NDRG4: variants seen among roughly 807,000 people sequenced by gnomAD.
NDRG4 encodes the protein protein NDRG4.
NDRG4 carries 38 observed loss-of-function variants against 55.8 expected under a neutral mutation model. The ratio of observed to expected loss-of-function variants is 0.68; its 90% CI spans 0.53 to 0.89. The LOEUF (loss-of-function observed/expected upper bound fraction) is 0.89, where lower values mean the gene tolerates loss of function less well. Among genes scored for constraint, NDRG4 ranks in the 40% least tolerant of loss-of-function variants. The pLI, the probability that NDRG4 is intolerant of heterozygous loss-of-function variation, is 0.00. For synonymous variants in NDRG4, 190 were observed against 182.7 expected, an observed-to-expected ratio of 1.04 and a Z score of -0.32; for missense variants, 455 against 468.6, an observed-to-expected ratio of 0.97 and a Z score of 0.27.
chr16:58,497,195 G>A (rs565212632), upstream of NDRG4, among the ~76,000 whole-genome samples: 38 of 152,194 alleles, frequency 2.5e-4, no homozygotes, highest in African/African-American at 4.3e-4. Flanking sequence ...GGTGGCAGGC[G>A]CTGGTAGTCC....
chr16:58,500,462 TG>T, intron 1 of NDRG4, 193 bp downstream of exon 1: 1 of 496,314 alleles, frequency 2.0e-6, no homozygotes, highest in Admixed American at 4.3e-5. Context: ...CAGGAGTGGC[TG>T]GGGGCAGCTG....
At chr16:58,506,505 T>A (rs1261936255) in intron 6 of NDRG4, 32 bp downstream of exon 6, 1 of 1,498,612 alleles carries the variant, frequency 6.7e-7, no homozygotes, top group African/African-American at 1.4e-5. Context: ...GGGGTGGGTA[T>A]ACCTAGGGTG....
At chr16:58,474,027 C>CGTTTT (rs2033246788) in intron 1 of NDRG4, among the ~76,000 whole-genome samples, 1 of 142,334 alleles carries the variant, frequency 7.0e-6, no homozygotes, top group Non-Finnish European at 1.5e-5. Flanking sequence ...CTTTTCTTTC[C>CGTTTT]CTTTTTTTTT....
chr16:58,508,494 G>A (rs2038343938), intron 10 of NDRG4, among the ~76,000 whole-genome samples: 1 of 152,166 alleles, frequency 6.6e-6, no homozygotes, highest in African/African-American at 2.4e-5. Flanking sequence ...CTGCTGGGAA[G>A]CTGCAGGGTC....
intron 2 of NDRG4, among the ~76,000 whole-genome samples, chr16:58,489,573 A>G (rs2035529525): frequency 6.6e-6 from 1 of 151,822 alleles, no homozygotes; most frequent in African/African-American, 2.4e-5. Flanking sequence ...AAACCCCAAC[A>G]TGCTCTGGCC....
chr16:58,508,502 G>A lies in NDRG4; in HGVS notation c.730-460G>A, dbSNP rs150007673. Among the ~76,000 whole-genome samples the A allele has an allele frequency of 6.0e-3, 915 of 152,280 alleles. 3 individuals carry two copies. The highest frequency in any genetic ancestry group is 8.7e-3 in the Non-Finnish European group (595 of 68,002). On this transcript the variant is annotated intron_variant, in intron 10 of 14. Coordinates refer to ENST00000570248, the MANE Select transcript of NDRG4 (RefSeq NM_001242835.2). ...CACAGAGCTGCTGGGAAGCTGCAGGGTCCAGAAGTGCCCAGAGCAGCCCCG... is the reference window on the plus strand; with the variant it reads ...CACAGAGCTGCTGGGAAGCTGCAGGATCCAGAAGTGCCCAGAGCAGCCCCG...
At chr16:58,510,951 A>G (rs2038723373) in intron 14 of NDRG4, 1 of 566,524 alleles carries the variant, frequency 1.8e-6, no homozygotes, top group Admixed American at 3.0e-5. Context: ...CCCTCCTTAG[A>G]GGTAGAGCCC....
chr16:58,510,342 C>G lies in NDRG4; in HGVS notation c.866-303C>G, dbSNP rs78057434. ...AGGCAGCCCCAAGCTGGGAAGGGCA[C>G]AGAGCGGGCAGGCCTCCCCCATTCT... On this transcript the variant is annotated intron_variant, in intron 13 of 14. Coordinates refer to ENST00000570248, the MANE Select transcript of NDRG4 (RefSeq NM_001242835.2). 1.6e-3 allele frequency among the ~76,000 whole-genome samples: 237 copies of G among 152,370 alleles called. 1 individual carries two copies. The highest frequency in any genetic ancestry group is 3.4e-3 in the Middle Eastern group (1 of 294).
At chr16:58,504,703 C>G (rs2151805205) in intron 5 of NDRG4, 54 bp downstream of exon 5, 3 of 1,602,382 alleles carry the variant, frequency 1.9e-6, no homozygotes, top group Non-Finnish European at 2.6e-6. Context: ...CCAGGGATGT[C>G]CCAGTGGTGG....
chr16:58,509,174 G>C lies in NDRG4; in HGVS notation c.798G>C (p.Leu266=), dbSNP rs1181234848. ...TFLKMADSGG[L]PQVTQPGKLT... ...TGCAGATGGCAGACTCTGGAGGGCTGCCCCAGGTCACACAGGTGAGACTTT... is the reference window on the plus strand; with the variant it reads ...TGCAGATGGCAGACTCTGGAGGGCTCCCCCAGGTCACACAGGTGAGACTTT... The change falls in exon 12 of 15, where the codon CTG becomes CTC. Residue 266 remains leucine (L), a synonymous_variant. Transcript: ENST00000570248. 1 of 1,614,040 alleles carries C rather than the reference G, an allele frequency of 6.2e-7. No individual in the cohort carries two copies. The highest frequency in any genetic ancestry group is 8.5e-7 in the Non-Finnish European group (1 of 1,180,028).
chr16:58,502,702 C>T (rs1005390133), intron 1 of NDRG4, among the ~76,000 whole-genome samples: 1 of 152,226 alleles, frequency 6.6e-6, no homozygotes, highest in Non-Finnish European at 1.5e-5. Flanking sequence ...AAGCCTGGCA[C>T]ACAGTAGGTG....
intron 1 of NDRG4, chr16:58,501,951 G>A (rs2037199736): frequency 2.2e-6 from 1 of 455,474 alleles, no homozygotes; most frequent in African/African-American, 2.0e-5. Flanking sequence ...GCAGCAGGAG[G>A]CGCATTGCAG....
upstream of NDRG4, among the ~76,000 whole-genome samples, chr16:58,497,665 C>T (rs777744699): frequency 6.6e-6 from 1 of 152,196 alleles, no homozygotes; most frequent in African/African-American, 2.4e-5. Context: ...GGTCACACAG[C>T]AAAGAAGTGG....
chr16:58,507,897 G>C (rs998903685), intron 9 of NDRG4, 33 bp downstream of exon 9: 2 of 1,613,870 alleles, frequency 1.2e-6, no homozygotes, highest in Non-Finnish European at 1.7e-6. Context: ...GCCTGCCCTG[G>C]CCTTTGCCCC....
chr16:58,504,487 G>A lies in NDRG4; in HGVS notation c.311+66G>A, dbSNP rs920079134. The stretch of plus-strand genomic sequence containing the variant: ...CCTACCCCAACTGCAGAGCCACCTG[G>A]CTCCAGCTGAGGGCTTCAGGCTATG... On this transcript the variant is annotated intron_variant, in intron 4 of 14. Transcript: ENST00000570248. The A allele has an allele frequency of 5.0e-6, 8 of 1,611,660 alleles. 1 individual carries two copies. The highest frequency in any genetic ancestry group is 6.8e-6 in the Non-Finnish European group (8 of 1,178,470).
rs2038835579 is a variant in NDRG4, at chr16:58,511,820, C to G, written c.*244C>G. The G allele has an allele frequency of 1.8e-6, 1 of 565,116 alleles. No individual in the cohort carries two copies. Among genetic ancestry groups the G allele is most frequent in the Non-Finnish European group, 3.3e-6 (1 of 306,798 alleles). The allele number at this position is 565,116 out of a possible 1,614,324, so 35.0% of individuals were successfully genotyped here. A position where few individuals can be genotyped will look rare whatever the true frequency, so the allele number is the denominator to read the frequency against. On this transcript the variant is annotated 3_prime_UTR_variant, in exon 15 of 15. Coordinates refer to ENST00000570248, the MANE Select transcript of NDRG4 (RefSeq NM_001242835.2). ...CCAACTTGACCCCTCTCATCCCACT[C>G]CCGGCGGCCCAGGCACAGAAGGGCA... is the stretch of plus-strand genomic sequence containing the variant.
At chr16:58,471,763 G>A (rs2032869850) in intron 1 of NDRG4, among the ~76,000 whole-genome samples, 1 of 152,246 alleles carries the variant, frequency 6.6e-6, no homozygotes, top group Middle Eastern at 3.4e-3. Context: ...GGGGGTGGTC[G>A]GGCAGGTGCT....
chr16:58,508,429 T>C (rs189805847), intron 10 of NDRG4, among the ~76,000 whole-genome samples: 24 of 152,350 alleles, frequency 1.6e-4, no homozygotes, highest in Non-Finnish European at 5.9e-5. Context: ...TCACCTCTCC[T>C]GCTGGAACTC....
Position 58,476,989 on chromosome 16 carries a change from T to C in NDRG4, c.-23-10767T>C, listed in dbSNP as rs537978062. On this transcript the variant is annotated intron_variant, in intron 1 of 15. Coordinates refer to the NDRG4 transcript ENST00000258187. The stretch of plus-strand genomic sequence containing the variant: ...AGGAATGAACAAATAAGCAAAAATA[T>C]TATGGATGAGAGCCAGGTTTCTCAC... Among the ~76,000 whole-genome samples the C allele has an allele frequency of 1.3e-4, 20 of 152,078 alleles. No individual in the cohort carries two copies. In the South Asian group the frequency reaches 3.1e-3, roughly 24 times the overall value.
Sources: allele counts gnomAD v4.1 joint callset (sites outside exome capture counted in the v4.1 genomes callset), GRCh38; gene constraint gnomAD v4.1.1; transcripts MANE v1.5; gene names NCBI Gene and HGNC (gene_info 2026-07-23, HGNC 2026-07-21).